MORC2: variants seen among roughly 807,000 people sequenced by gnomAD.
MORC2 encodes the protein ATPase MORC2.
In MORC2, 30 loss-of-function variants were observed where a neutral mutation model predicts 136.0. The observed-to-expected ratio is 0.22, with a 90% confidence interval of 0.17 to 0.30. MORC2 has a LOEUF of 0.30. Among genes scored for constraint, MORC2 ranks in the 10% least tolerant of loss-of-function variants. The pLI, the probability that MORC2 is intolerant of heterozygous loss-of-function variation, is 1.00. For missense variants in MORC2, 922 were observed against 1,333.1 expected, an observed-to-expected ratio of 0.69 and a Z score of 4.80; for synonymous variants, 439 against 487.0, an observed-to-expected ratio of 0.90 and a Z score of 1.30.
chr22:30,962,012 A>G (rs1375931466), intron 1 of MORC2, among the ~76,000 whole-genome samples: 1 of 152,058 alleles, frequency 6.6e-6, no homozygotes, highest in Non-Finnish European at 1.5e-5. Context: ...CCTGGCCAAC[A>G]TGTTGAAACC....
chr22:30,952,419 A>G (rs1315649309), intron 3 of MORC2, among the ~76,000 whole-genome samples: 1 of 152,236 alleles, frequency 6.6e-6, no homozygotes, highest in Non-Finnish European at 1.5e-5. Flanking sequence ...GTGTTAGGAT[A>G]GAACTCTTAG....
At chr22:30,950,875 T>C (rs1419624993) in intron 3 of MORC2, among the ~76,000 whole-genome samples, 1 of 152,218 alleles carries the variant, frequency 6.6e-6, no homozygotes, top group Non-Finnish European at 1.5e-5. Context: ...CTCAACAGGA[T>C]GCCTCCTTTG....
Position 30,936,637 on chromosome 22 carries a change from C to G in MORC2, c.1611G>C (p.Glu537Asp). 1 of 1,613,974 alleles carries G rather than the reference C, an allele frequency of 6.2e-7. No homozygotes were observed. Among genetic ancestry groups the G allele is most frequent in the Admixed American group, 1.7e-5 (1 of 60,012 alleles). ...GAACCTTCTGCTTTTGTTCAGAAGC[C>G]TCACACCTGTAGAGACAAGGTACTA... ...MNPDPEQDRC[E>D]ASEQKQKVPL... The change falls in exon 17 of 26, where the codon GAG (glutamate) becomes GAC (aspartate). Residue 537 changes from glutamate (E) to aspartate (D), a missense_variant. Around this residue, in one of 9 missense-constraint regions of MORC2, gnomAD observed 119 missense variants for 202.7 expected, o/e 0.59. Coordinates refer to ENST00000397641, the MANE Select transcript of MORC2 (RefSeq NM_001303256.3).
At chr22:30,936,829 G>A in intron 16 of MORC2, 103 bp downstream of exon 16, 3 of 1,321,000 alleles carry the variant, frequency 2.3e-6, no homozygotes, top group Non-Finnish European at 3.2e-6. Flanking sequence ...GTTATTAGGT[G>A]TGGCAAGACA....
chr22:30,949,664 AAGG>A (rs2040861950), intron 5 of MORC2, 85 bp downstream of exon 5: 1 of 1,112,130 alleles, frequency 9.0e-7, no homozygotes, highest in South Asian at 1.3e-5. Context: ...ATAGAGGGAC[AAGG>A]AGAAGGAAAG....
rs1373608598 is a variant in MORC2, at chr22:30,950,444, T to C, written c.159A>G (p.Glu53=). ...ATCCTCCTCGAAGGTCCTCTCGTCT[T>C]TCTGTAAAAGAAGCAGCTGCCATTA... The part of the protein sequence containing the change: ...ADATRIDIYA[E]RREDLRGGFM... The change falls in exon 4 of 26, where the codon GAA becomes GAG. Residue 53 remains glutamate, a splice_region_variant and synonymous_variant. Transcript: ENST00000397641. 1 of 1,610,160 alleles carries C rather than the reference T, an allele frequency of 6.2e-7. No homozygotes were observed. The highest frequency in any genetic ancestry group is 8.5e-7 in the Non-Finnish European group (1 of 1,178,742).
chr22:30,933,640 A>G lies in MORC2; in HGVS notation c.2326-120T>C, dbSNP rs573954709. ...CACGACTTCCTGTGCTACAGTTTAA[A>G]TCACCAAGCCCCGTTGAGAGCCACA... On this transcript the variant is annotated intron_variant, in intron 20 of 25. Coordinates refer to ENST00000397641, the MANE Select transcript of MORC2 (RefSeq NM_001303256.3). 3.6e-5 allele frequency: 36 copies of G among 1,002,238 alleles called. No homozygotes were observed. In the African/African-American group the frequency reaches 5.2e-4, roughly 15 times the overall value. 62.1% of individuals were successfully genotyped at this position (1,002,238 alleles called of 1,614,324 possible).
chr22:30,931,339 G>C (rs529525185), intron 24 of MORC2, among the ~76,000 whole-genome samples: 2 of 152,324 alleles, frequency 1.3e-5, no homozygotes, highest in African/African-American at 4.8e-5. Context: ...TAATGGCAGA[G>C]TTGCCACAGA....
intron 12 of MORC2, 44 bp from the exon 13 acceptor site, chr22:30,938,249 C>G: frequency 6.2e-7 from 1 of 1,608,878 alleles, no homozygotes; most frequent in Middle Eastern, 1.7e-4. Context: ...CATCGGCACA[C>G]AAGCACCATA....
rs368744093 is a variant in MORC2 at position 30,955,303 on chromosome 22, G to A, written c.157+1460C>T. Reference sequence around the variant, plus strand: ...TCATCTTCTAACATTCTTTTCCTGTGTGCCCCTATTTCCTGTTACTTTCTT... The same window carrying A: ...TCATCTTCTAACATTCTTTTCCTGTATGCCCCTATTTCCTGTTACTTTCTT... On this transcript the variant is annotated intron_variant, in intron 3 of 25. Coordinates refer to ENST00000397641, the MANE Select transcript of MORC2 (RefSeq NM_001303256.3). 7.2e-5 allele frequency among the ~76,000 whole-genome samples: 11 copies of A among 152,214 alleles called. No homozygotes were observed. In the East Asian group the frequency reaches 2.1e-3, roughly 29 times the overall value.
In MORC2 at chr22:30,925,686, C is replaced by T. The variant is rs2040472697; in HGVS notation, c.*1117G>A. The T allele has an allele frequency of 6.5e-6, 1 of 153,770 alleles. No individual in the cohort carries two copies. The highest frequency in any genetic ancestry group is 6.5e-5 in the Admixed American group (1 of 15,286). The allele number at this position is 153,770 out of a possible 1,614,324, so 9.5% of individuals were successfully genotyped here. A position where few individuals can be genotyped will look rare whatever the true frequency, so the allele number is the denominator to read the frequency against. On this transcript the variant is annotated 3_prime_UTR_variant, in exon 26 of 26. Coordinates refer to ENST00000397641, the MANE Select transcript of MORC2 (RefSeq NM_001303256.3). ...GGGAAGAGAGTTGGGAAAAACTGAA[C>T]CAGACTCTTCCAATGGCCATTAAAG... is the stretch of plus-strand genomic sequence containing the variant.
chr22:30,945,865 T>C (rs925247804), intron 6 of MORC2, among the ~76,000 whole-genome samples: 1 of 152,214 alleles, frequency 6.6e-6, no homozygotes, highest in Non-Finnish European at 1.5e-5. Context: ...AGGCTCTCTC[T>C]AGGTATCTGA....
intron 20 of MORC2, 138 bp downstream of exon 20, chr22:30,933,922 G>A: frequency 9.7e-7 from 1 of 1,029,026 alleles, no homozygotes; most frequent in Non-Finnish European, 1.4e-6. Flanking sequence ...GCAGACTGCT[G>A]GTGGGGGGGG....
At position 30,968,269 on chromosome 22, in the gene MORC2, C is replaced by A. The variant is rs2041160039; in HGVS notation, c.-380G>T. On this transcript the variant is annotated 5_prime_UTR_variant, in exon 1 of 26. Transcript: ENST00000397641. ...ATGACTGCTCCATCTTCATGTTCTT[C>A]CAGCCTTTTTTGGTTCCCCGAAATT... 6.3e-6 allele frequency: 1 copy of A among 159,452 alleles called. No homozygotes were observed. Among genetic ancestry groups the A allele is most frequent in the Non-Finnish European group, 1.4e-5 (1 of 72,898 alleles). 9.9% of individuals were successfully genotyped at this position (159,452 alleles called of 1,614,324 possible).
Position 30,935,098 on chromosome 22 carries a change from G to A in MORC2, c.1876C>T (p.Pro626Ser). Residue 626 changes from proline to serine, a missense_variant, in exon 19 of 26, where the codon CCC becomes TCC. By Grantham distance (74) the Pro-to-Ser change is moderately conservative. Around this residue, in one of 9 missense-constraint regions of MORC2, gnomAD observed 184 missense variants for 180.3 expected, o/e 1.02. Coordinates refer to ENST00000397641, the MANE Select transcript of MORC2 (RefSeq NM_001303256.3). ...GTTGGCAAAGAAGGGGGTCTGCTGGGGGCGTTCCTGATCACAGCAGGTAAA... is the reference window on the plus strand; with the variant it reads ...GTTGGCAAAGAAGGGGGTCTGCTGGAGGCGTTCCTGATCACAGCAGGTAAA... ...PPLPAVIRNA[P>S]SRPPSLPTPR... The A allele has an allele frequency of 6.2e-7, 1 of 1,613,904 alleles. No individual in the cohort carries two copies. Among genetic ancestry groups the A allele is most frequent in the Non-Finnish European group, 8.5e-7 (1 of 1,179,992 alleles).
chr22:30,948,131 A>G (rs527960452), intron 5 of MORC2, among the ~76,000 whole-genome samples: 45 of 152,182 alleles, frequency 3.0e-4, no homozygotes, highest in Non-Finnish European at 5.6e-4. Context: ...ACCTCACTCT[A>G]TAAATGTCAG....
chr22:30,950,183 A>G (rs1317333356), intron 4 of MORC2, among the ~76,000 whole-genome samples, 194 bp downstream of exon 4: 1 of 152,200 alleles, frequency 6.6e-6, no homozygotes, highest in African/African-American at 2.4e-5. Context: ...CCTATCTCCC[A>G]TGTTAGGACA....
intron 24 of MORC2, among the ~76,000 whole-genome samples, chr22:30,929,016 CT>C (rs970207595): frequency 1.4e-4 from 21 of 152,376 alleles, no homozygotes; most frequent in African/African-American, 4.6e-4. Context: ...CTGGTGTTTA[CT>C]TCTGTAAAGA....
rs1485840795 is a variant in MORC2, at chr22:30,932,479, G to A, written c.2748-27C>T. 2 of 1,612,748 alleles carry A rather than the reference G, an allele frequency of 1.2e-6. No individual in the cohort carries two copies. Among genetic ancestry groups the A allele is most frequent in the Admixed American group, 3.3e-5 (2 of 59,984 alleles). On this transcript the variant is annotated intron_variant, in intron 23 of 25. Transcript: ENST00000397641. This position sits in a 1 kb window ranked among gnomAD's most constrained non-coding sequence, Gnocchi z 4.4. The stretch of plus-strand genomic sequence containing the variant: ...TAAAGAAGGCAGGGACAGTAATTCA[G>A]AATGGCATGGAGCAGGCAGAGAGCT...
Sources: allele counts gnomAD v4.1 joint callset (sites outside exome capture counted in the v4.1 genomes callset), GRCh38; gene constraint gnomAD v4.1.1; regional missense constraint gnomAD v4.1.1; non-coding constraint Gnocchi (gnomAD v3.1); transcripts MANE v1.5; gene names NCBI Gene and HGNC (gene_info 2026-07-23, HGNC 2026-07-21).